Variants in IPPK observed in about 807,000 individuals in gnomAD.
IPPK encodes inositol-pentakisphosphate 2-kinase.
A neutral mutation model predicts 64.6 loss-of-function variants in IPPK; 22 were observed. The observed-to-expected ratio is 0.34, with a 90% CI of 0.24 to 0.49. The LOEUF (loss-of-function observed/expected upper bound fraction) is 0.49. IPPK is among the 20% of genes least tolerant of loss of function. IPPK has a pLI of 0.99. For synonymous variants in IPPK, 262 were observed against 247.2 expected, an observed-to-expected ratio of 1.06 and a Z score of -0.56; for missense variants, 532 against 630.7, an observed-to-expected ratio of 0.84 and a Z score of 1.68.
At chr9:92,658,756 C>A in intron 1 of IPPK, 75 bp from the exon 2 acceptor site, 1 of 1,356,880 alleles carries the variant, frequency 7.4e-7, no homozygotes, top group South Asian at 1.2e-5. Context: ...GTTTGGGGGT[C>A]CCATCCTCAG....
chr9:92,642,810 C>T lies in IPPK; in HGVS notation c.505G>A (p.Val169Ile), dbSNP rs1852078273. The T allele has an allele frequency of 3.7e-6, 6 of 1,613,546 alleles. No individual in the cohort carries two copies. The East Asian group carries it at 1.3e-4, about 36-fold the overall frequency. Reference sequence around the variant, plus strand: ...ATCTGCTTCCACTTCCCAGTTGCTACCTGTGAAAACACCAACAGGAGGGCA... The same window carrying T: ...ATCTGCTTCCACTTCCCAGTTGCTATCTGTGAAAACACCAACAGGAGGGCA... Reference protein sequence around the residue: ...CRYCMHQHLKVATGKWKQISK... With the variant: ...CRYCMHQHLKIATGKWKQISK... Residue 169 changes from valine (V) to isoleucine (I), a missense_variant and splice_region_variant, in exon 7 of 13, where the codon GTA becomes ATA. Val to Ile is a conservative substitution (Grantham distance 29). Coordinates refer to ENST00000287996, the MANE Select transcript of IPPK (RefSeq NM_022755.6).
chr9:92,631,228 C>T (rs887789256), intron 11 of IPPK, among the ~76,000 whole-genome samples: 2 of 146,588 alleles, frequency 1.4e-5, no homozygotes, highest in Non-Finnish European at 3.0e-5. Flanking sequence ...TGGACTCTCG[C>T]TCTGTCACCC....
At chr9:92,657,946 T>C (rs1852406214) in intron 2 of IPPK, among the ~76,000 whole-genome samples, 1 of 151,794 alleles carries the variant, frequency 6.6e-6, no homozygotes, top group South Asian at 2.1e-4. Flanking sequence ...CAAGCCAGCC[T>C]CCGCCTGCTC....
intron 8 of IPPK, among the ~76,000 whole-genome samples, chr9:92,639,581 A>G (rs905707177): frequency 1.3e-4 from 20 of 152,226 alleles, no homozygotes; most frequent in African/African-American, 4.8e-4. Flanking sequence ...CAAAAGTAGC[A>G]GACAGCCAGA....
chr9:92,653,185 T>G (rs2131454193), intron 3 of IPPK, among the ~76,000 whole-genome samples: 1 of 152,382 alleles, frequency 6.6e-6, no homozygotes, highest in South Asian at 2.1e-4. Context: ...CACATGGCTC[T>G]TCTGTGCAGT....
At chr9:92,664,585 T>C (rs1318601606) in intron 1 of IPPK, among the ~76,000 whole-genome samples, 1 of 152,138 alleles carries the variant, frequency 6.6e-6, no homozygotes, top group Admixed American at 6.5e-5. Flanking sequence ...CCTGTGGGGA[T>C]AGGCACACCT....
At chr9:92,639,474 A>T (rs1852006349) in intron 8 of IPPK, among the ~76,000 whole-genome samples, 1 of 152,142 alleles carries the variant, frequency 6.6e-6, no homozygotes, top group South Asian at 2.1e-4. Flanking sequence ...GTGCCCTGTT[A>T]TCTTAAAATC....
At chr9:92,650,743 T>C (rs957596059) in intron 4 of IPPK, among the ~76,000 whole-genome samples, 5 of 152,182 alleles carry the variant, frequency 3.3e-5, no homozygotes, top group African/African-American at 1.2e-4. Context: ...GATGGTCCCC[T>C]AATTCCACAA....
At position 92,613,916 on chromosome 9, in the gene IPPK, C is replaced by T. The variant is rs568328624; in HGVS notation, c.*1916G>A. 5 of 152,316 alleles carry T rather than the reference C, an allele frequency of 3.3e-5. No homozygotes were observed. The highest frequency in any genetic ancestry group is 1.2e-4 in the African/African-American group (5 of 41,564). 9.4% of individuals were successfully genotyped at this position (152,316 alleles called of 1,614,324 possible). A position where few individuals can be genotyped will look rare whatever the true frequency, so the allele number is the denominator to read the frequency against. On this transcript the variant is annotated 3_prime_UTR_variant, in exon 13 of 13. Transcript: ENST00000287996. ...TCTGTGAACGCGTGTTGTCTCAAAC[C>T]AGTCAGGGCCGTCATGACTACGCAG...
chr9:92,638,180 C>G lies in IPPK; in HGVS notation c.737G>C (p.Gly246Ala). The G allele has an allele frequency of 6.2e-7, 1 of 1,614,248 alleles. No homozygotes were observed. The change falls in exon 9 of 13, where the codon GGC becomes GCC. Residue 246 changes from glycine to alanine, a missense_variant. Transcript: ENST00000287996. The part of the protein sequence containing the change: ...HLKPFFFPSN[G>A]LASGPHCTRA... ...TGTGCAGTGGGGCCCACTGGCCAGG[C>G]CGTTGGAAGGGAAGAAGAACGGCTT...
Position 92,658,680 on chromosome 9 carries a change from C to A in IPPK, c.83G>T (p.Arg28Leu), listed in dbSNP as rs1447205316. 3 of 1,613,742 alleles carry A rather than the reference C, an allele frequency of 1.9e-6. No homozygotes were observed. The highest frequency in any genetic ancestry group is 2.5e-6 in the Non-Finnish European group (3 of 1,179,838). Residue 28 changes from arginine (R) to leucine (L), a missense_variant and splice_region_variant, in exon 2 of 13, where the codon CGC becomes CTC. Physicochemically the swap from Arg to Leu is moderately radical, Grantham distance 102. Coordinates refer to ENST00000287996, the MANE Select transcript of IPPK (RefSeq NM_022755.6). ...CTTCAGAAACCGCAGCACGACGCAG[C>A]GCTGTTGGAAAATAAAACAAATCTG... The part of the protein sequence containing the change: ...NKSLVVAHAQ[R>L]CVVLRFLKFP...
At chr9:92,617,196 A>G (rs978638509) in intron 12 of IPPK, 8 of 152,190 alleles carry the variant, frequency 5.3e-5, no homozygotes, top group Non-Finnish European at 1.0e-4. Flanking sequence ...AAGGGGCCAC[A>G]TTTTATTGGG....
In IPPK at chr9:92,614,457, A is replaced by AAAC. The variant is rs1851368820; in HGVS notation, c.*1372_*1374dup. The stretch of plus-strand genomic sequence containing the variant: ...GACGGTGTCATTGGAAGTGAGAAGA[A>AAAC]AACAGTAAAAGTGTCCAGTTAGATA... On this transcript the variant is annotated 3_prime_UTR_variant, in exon 13 of 13. Coordinates refer to ENST00000287996, the MANE Select transcript of IPPK (RefSeq NM_022755.6). 1 of 152,518 alleles carries AAAC rather than the reference A, an allele frequency of 6.6e-6. No individual in the cohort carries two copies. Among genetic ancestry groups the AAAC allele is most frequent in the African/African-American group, 2.4e-5 (1 of 41,474 alleles). The allele number at this position is 152,518 out of a possible 1,614,324, so 9.4% of individuals were successfully genotyped here. A position where few individuals can be genotyped will look rare whatever the true frequency, so the allele number is the denominator to read the frequency against.
chr9:92,637,863 T>C (rs1292594109), intron 9 of IPPK, 138 bp downstream of exon 9: 4 of 892,274 alleles, frequency 4.5e-6, no homozygotes, highest in Admixed American at 6.2e-5. Context: ...GGCCCCGTGC[T>C]GGGAGCCCTG....
chr9:92,653,666 A>G (rs1171278577), intron 3 of IPPK, among the ~76,000 whole-genome samples: 3 of 152,148 alleles, frequency 2.0e-5, no homozygotes, highest in African/African-American at 4.8e-5. Context: ...CCTGACCAAC[A>G]TGGTGAAACC....
intron 1 of IPPK, among the ~76,000 whole-genome samples, chr9:92,667,384 C>T (rs1852621924): frequency 6.6e-6 from 1 of 152,178 alleles, no homozygotes; most frequent in Non-Finnish European, 1.5e-5. Context: ...TAAAAAGCTG[C>T]CTTCTGGGAA....
At chr9:92,650,332 A>C (rs529634911) in intron 4 of IPPK, among the ~76,000 whole-genome samples, 116 of 152,250 alleles carry the variant, frequency 7.6e-4, no homozygotes, top group Admixed American at 1.5e-3. Context: ...ATCTCAAAAA[A>C]AAAAACAAAA....
chr9:92,617,243 G>A (rs1851469375), intron 12 of IPPK: 1 of 152,196 alleles, frequency 6.6e-6, no homozygotes, highest in Admixed American at 6.6e-5. Flanking sequence ...TCAGTTCTGA[G>A]GCCTGAGACC....
At chr9:92,656,621 G>A in intron 2 of IPPK, 70 bp from the exon 3 acceptor site, 1 of 1,020,006 alleles carries the variant, frequency 9.8e-7, no homozygotes, top group Non-Finnish European at 1.6e-6. Context: ...GAGGGGAGAG[G>A]CAAAAACCAC....
Sources: allele counts gnomAD v4.1 joint callset (sites outside exome capture counted in the v4.1 genomes callset), GRCh38; gene constraint gnomAD v4.1.1; transcripts MANE v1.5; gene names NCBI Gene and HGNC (gene_info 2026-07-23, HGNC 2026-07-21).